Variants in GNE observed in about 807,000 individuals in gnomAD.
The protein encoded by GNE is bifunctional UDP-N-acetylglucosamine 2-epimerase/N-acetylmannosamine kinase.
A neutral mutation model predicts 61.8 loss-of-function variants in GNE; 41 were observed. That is an observed-to-expected ratio of 0.66 (90% CI 0.52 to 0.86). GNE has a LOEUF of 0.86. Ranked by LOEUF, GNE falls within the 40% of genes least tolerant of loss-of-function variation. The pLI is 0.00. For synonymous variants in GNE, 264 were observed against 326.4 expected (o/e 0.81, Z 2.06); for missense variants, 608 against 909.1 (o/e 0.67, Z 4.26).
intron 1 of GNE, among the ~76,000 whole-genome samples, chr9:36,251,172 C>T (rs1193689453): frequency 6.6e-6 from 1 of 152,150 alleles, no homozygotes; most frequent in African/African-American, 2.4e-5. Flanking sequence ...GTCTTCTACT[C>T]ATCCTTCAAA....
chr9:36,223,855 G>A (rs144447559), intron 7 of GNE, among the ~76,000 whole-genome samples: 2,131 of 151,850 alleles, frequency 0.014, 48 homozygotes, highest in African/African-American at 0.049. Context: ...AGGTTCAGGC[G>A]ATTCTCCTTC....
chr9:36,226,482 C>A (rs1030523284), intron 7 of GNE, among the ~76,000 whole-genome samples: 1 of 152,090 alleles, frequency 6.6e-6, no homozygotes, highest in African/African-American at 2.4e-5. Flanking sequence ...CTGCATCCAG[C>A]CTTCTATTAG....
chr9:36,266,331 C>G (rs1430517411), intron 1 of GNE, among the ~76,000 whole-genome samples: 1 of 152,258 alleles, frequency 6.6e-6, no homozygotes, highest in Non-Finnish European at 1.5e-5. Flanking sequence ...TAAAACACAC[C>G]TTACAAACCA....
chr9:36,228,967 T>C (rs1422485775), intron 6 of GNE, 54 bp downstream of exon 6: 2 of 957,312 alleles, frequency 2.1e-6, no homozygotes, highest in Non-Finnish European at 3.4e-6. Flanking sequence ...TTTAAAATGG[T>C]ACTGAAGGTA....
At chr9:36,225,937 A>AT (rs1259136081) in intron 7 of GNE, among the ~76,000 whole-genome samples, 1 of 152,174 alleles carries the variant, frequency 6.6e-6, no homozygotes, top group Admixed American at 6.5e-5. Context: ...GGAGCCAAGC[A>AT]TTTTTTTGTC....
chr9:36,247,872 C>A (rs1829954389), intron 2 of GNE, among the ~76,000 whole-genome samples: 1 of 151,496 alleles, frequency 6.6e-6, no homozygotes, highest in South Asian at 2.1e-4. Context: ...ACTAAAAATA[C>A]AAAATTAGCC....
chr9:36,271,519 G>A (rs1025364899), intron 1 of GNE, among the ~76,000 whole-genome samples: 1 of 152,052 alleles, frequency 6.6e-6, no homozygotes, highest in East Asian at 1.9e-4. Context: ...GACTACAGGC[G>A]CCTGCCATCA....
intron 1 of GNE, chr9:36,265,041 A>G: frequency 3.4e-6 from 1 of 290,704 alleles, no homozygotes; most frequent in South Asian, 4.1e-5. Flanking sequence ...GCAGTCGCAG[A>G]CCCGCCGCTG....
chr9:36,230,682 C>T lies in GNE; in HGVS notation c.983-1574G>A, dbSNP rs368226020. Among the ~76,000 whole-genome samples, 276 of 144,378 alleles carry T rather than the reference C, an allele frequency of 1.9e-3. 1 individual carries two copies. The highest frequency in any genetic ancestry group is 5.1e-3 in the African/African-American group (199 of 38,822). 94.7% of individuals were successfully genotyped at this position (144,378 alleles called of 152,430 possible). On this transcript the variant is annotated intron_variant, in intron 5 of 11. Coordinates refer to ENST00000642385, the MANE Select transcript of GNE (RefSeq NM_005476.7). Reference sequence around the variant, plus strand: ...TATCTTTTTTTTTTTTTTTTTGAGACGGAGTCTCGCTCTGTTGCCCAGGCT... The same window carrying T: ...TATCTTTTTTTTTTTTTTTTTGAGATGGAGTCTCGCTCTGTTGCCCAGGCT...
intron 4 of GNE, among the ~76,000 whole-genome samples, chr9:36,236,218 T>G (rs74779201): frequency 6.6e-6 from 1 of 152,126 alleles, no homozygotes; most frequent in African/African-American, 2.4e-5. Context: ...TTTTTTTTTT[T>G]GAGATGGAGT....
intron 7 of GNE, 39 bp from the exon 8 acceptor site, chr9:36,223,541 A>C: frequency 6.3e-7 from 1 of 1,579,914 alleles, no homozygotes. Context: ...TACTGGTCTT[A>C]GCTAAGCAGC....
At chr9:36,256,691 T>C (rs957068111) in intron 1 of GNE, among the ~76,000 whole-genome samples, 4 of 152,214 alleles carry the variant, frequency 2.6e-5, no homozygotes, top group Non-Finnish European at 5.9e-5. Flanking sequence ...AGAATATTTT[T>C]AAGGCTATCA....
chr9:36,276,175 A>AACAC (rs4008358), intron 1 of GNE, among the ~76,000 whole-genome samples: 5 of 151,314 alleles, frequency 3.3e-5, no homozygotes, highest in African/African-American at 1.2e-4. Flanking sequence ...CCTGTCTTTA[A>AACAC]ACACACACAC....
chr9:36,262,629 G>A (rs181648823), upstream of GNE, among the ~76,000 whole-genome samples: 26 of 152,216 alleles, frequency 1.7e-4, no homozygotes, highest in Admixed American at 1.6e-3. Context: ...GATTTTTCTA[G>A]AGATTACTCC....
chr9:36,221,222 G>A (rs922256056), intron 9 of GNE, among the ~76,000 whole-genome samples: 4 of 152,198 alleles, frequency 2.6e-5, no homozygotes, highest in Admixed American at 1.3e-4. Flanking sequence ...TTGGGAGGCT[G>A]AGGCAGGGGA....
Position 36,227,398 on chromosome 9 carries a change from G to C in GNE, c.1131C>G (p.Ile377Met). Reference sequence around the variant, plus strand: ...TCTTTTGCAGTGGCTCTTGAAGATCGATAGATTTGAGAAACTTCAAAATCC... The same window carrying C: ...TCTTTTGCAGTGGCTCTTGAAGATCCATAGATTTGAGAAACTTCAAAATCC... ...VPRILKFLKSIDLQEPLQKKF... is the reference protein window; with the variant it reads ...VPRILKFLKSMDLQEPLQKKF... The change falls in exon 7 of 12, where the codon ATC becomes ATG. Residue 377 changes from isoleucine to methionine, a missense_variant. Transcript: ENST00000642385. The C allele has an allele frequency of 6.2e-7, 1 of 1,612,294 alleles. No homozygotes were observed. The highest frequency in any genetic ancestry group is 1.7e-4 in the Middle Eastern group (1 of 6,052).
At chr9:36,226,009 A>AT (rs1248537059) in intron 7 of GNE, among the ~76,000 whole-genome samples, 1 of 152,090 alleles carries the variant, frequency 6.6e-6, no homozygotes, top group Non-Finnish European at 1.5e-5. Flanking sequence ...TCCTTCCTTT[A>AT]TTCCCTCATA....
At chr9:36,261,685 C>A (rs1174600636), upstream of GNE, among the ~76,000 whole-genome samples, 1 of 151,952 alleles carries the variant, frequency 6.6e-6, no homozygotes, top group Non-Finnish European at 1.5e-5. Context: ...CTTTGGGAGG[C>A]CGAGGCGGGT....
At position 36,227,397 on chromosome 9, in the gene GNE, C is replaced by T. The variant is rs199877522; in HGVS notation, c.1132G>A (p.Asp378Asn). ...PRILKFLKSIDLQEPLQKKFC... is the reference protein window; with the variant it reads ...PRILKFLKSINLQEPLQKKFC... Reference sequence around the variant, plus strand: ...TTCTTTTGCAGTGGCTCTTGAAGATCGATAGATTTGAGAAACTTCAAAATC... The same window carrying T: ...TTCTTTTGCAGTGGCTCTTGAAGATTGATAGATTTGAGAAACTTCAAAATC... Residue 378 changes from aspartate (D) to asparagine (N), a missense_variant, in exon 7 of 12, where the codon GAT becomes AAT. Physicochemically the swap from Asp to Asn is conservative, Grantham distance 23. Coordinates refer to ENST00000642385, the MANE Select transcript of GNE (RefSeq NM_005476.7). 2.5e-6 allele frequency: 4 copies of T among 1,612,660 alleles called. No homozygotes were observed. Among genetic ancestry groups the T allele is most frequent in the Admixed American group, 1.7e-5 (1 of 59,996 alleles).
Sources: gnomAD v4.1 joint callset for allele counts (sites outside exome capture counted in the v4.1 genomes callset) on GRCh38, gnomAD v4.1.1 for gene constraint, MANE v1.5 for transcripts, NCBI Gene and HGNC (gene_info 2026-07-23, HGNC 2026-07-21) for gene names.